GOLPH3L: variants seen among roughly 807,000 people sequenced by gnomAD.
GOLPH3L encodes Golgi phosphoprotein 3-like.
In GOLPH3L, 22 loss-of-function variants were observed where a neutral mutation model predicts 30.3. The observed-to-expected ratio is 0.73, with a 90% confidence interval of 0.52 to 1.04. The LOEUF (loss-of-function observed/expected upper bound fraction) is 1.04, where lower values mean the gene tolerates loss of function less well. Ranked by LOEUF, GOLPH3L falls within the 50% of genes least tolerant of loss-of-function variation. GOLPH3L has a pLI of 0.00. For synonymous variants in GOLPH3L, 120 were observed against 128.2 expected (o/e 0.94, Z 0.43); for missense variants, 303 against 345.8 (o/e 0.88, Z 0.98).
intron 2 of GOLPH3L, among the ~76,000 whole-genome samples, chr1:150,689,326 T>TAACTTAAGA (rs1651157309): frequency 6.6e-6 from 1 of 152,178 alleles, no homozygotes; most frequent in African/African-American, 2.4e-5. Context: ...CCCTTACAGG[T>TAACTTAAGA]AACTTAAGAA....
chr1:150,694,546 G>T, intron 2 of GOLPH3L, 110 bp downstream of exon 2: 1 of 658,220 alleles, frequency 1.5e-6, no homozygotes, highest in Non-Finnish European at 2.5e-6. Context: ...GATGGTTAGA[G>T]CACAATTCTA....
At chr1:150,664,005 ATTT>A (rs143298898) in intron 2 of GOLPH3L, among the ~76,000 whole-genome samples, 1 of 149,124 alleles carries the variant, frequency 6.7e-6, no homozygotes, top group Admixed American at 6.7e-5. Flanking sequence ...ATGATGTGCA[ATTT>A]TTTTTTTTGA....
At chr1:150,690,050 A>C (rs1009590246) in intron 2 of GOLPH3L, among the ~76,000 whole-genome samples, 2 of 152,024 alleles carry the variant, frequency 1.3e-5, no homozygotes, top group South Asian at 4.1e-4. Flanking sequence ...ACAGTGGCAC[A>C]AACACAGCTC....
At chr1:150,663,196 C>G (rs977973267) in intron 3 of GOLPH3L, among the ~76,000 whole-genome samples, 2 of 151,926 alleles carry the variant, frequency 1.3e-5, no homozygotes, top group Non-Finnish European at 2.9e-5. Flanking sequence ...CACAATGCCC[C>G]GCTAATTTTT....
At chr1:150,672,996 G>GT (rs959498653) in intron 2 of GOLPH3L, among the ~76,000 whole-genome samples, 44 of 148,120 alleles carry the variant, frequency 3.0e-4, no homozygotes, top group Admixed American at 4.1e-4. Flanking sequence ...CAGGGCTTCT[G>GT]TTTTTTTTTT....
intron 2 of GOLPH3L, 49 bp from the exon 3 acceptor site, chr1:150,663,812 G>C (rs778554085): frequency 6.4e-7 from 1 of 1,563,158 alleles, no homozygotes; most frequent in South Asian, 1.1e-5. Flanking sequence ...GAGGAATACT[G>C]ACTTCCAGCA....
chr1:150,669,973 A>AG (rs1434195864), intron 2 of GOLPH3L, among the ~76,000 whole-genome samples: 2 of 139,844 alleles, frequency 1.4e-5, no homozygotes, highest in Non-Finnish European at 1.6e-5. Context: ...AAAAAAAAAA[A>AG]CTGCAGGCCC....
chr1:150,663,152 A>G (rs587614424), intron 3 of GOLPH3L, among the ~76,000 whole-genome samples: 41 of 151,742 alleles, frequency 2.7e-4, no homozygotes, highest in African/African-American at 9.4e-4. Flanking sequence ...CTCCTGCTTC[A>G]GCCTCCCGAG....
chr1:150,685,999 C>A (rs892360156), intron 2 of GOLPH3L, among the ~76,000 whole-genome samples: 2 of 151,158 alleles, frequency 1.3e-5, no homozygotes, highest in Non-Finnish European at 3.0e-5. Context: ...CTCAGCCTCC[C>A]GAGTAGCTGA....
chr1:150,653,798 T>A (rs587748178), intron 4 of GOLPH3L, among the ~76,000 whole-genome samples: 1 of 150,530 alleles, frequency 6.6e-6, no homozygotes, highest in South Asian at 2.1e-4. Flanking sequence ...GTTTCACTCT[T>A]GTCACCCAGG....
At chr1:150,673,143 A>G (rs1650681778) in intron 2 of GOLPH3L, among the ~76,000 whole-genome samples, 1 of 152,190 alleles carries the variant, frequency 6.6e-6, no homozygotes, top group African/African-American at 2.4e-5. Context: ...CAGTAAAAAT[A>G]TCATTAGTTG....
chr1:150,686,161 C>T (rs1445674975), intron 2 of GOLPH3L, among the ~76,000 whole-genome samples: 1 of 152,080 alleles, frequency 6.6e-6, no homozygotes, highest in African/African-American at 2.4e-5. Flanking sequence ...GCGTGAGCTA[C>T]CGCACCCAGC....
At chr1:150,675,806 A>G (rs1650762547) in intron 2 of GOLPH3L, among the ~76,000 whole-genome samples, 2 of 141,920 alleles carry the variant, frequency 1.4e-5, no homozygotes, top group African/African-American at 5.1e-5. Flanking sequence ...AAAAAAAAAA[A>G]AGTATTGAGG....
chr1:150,652,298 T>C (rs1242374363), intron 4 of GOLPH3L, among the ~76,000 whole-genome samples: 3 of 141,952 alleles, frequency 2.1e-5, no homozygotes, highest in Admixed American at 7.8e-5. Context: ...GGAGAATCAC[T>C]TGAACCCAGG....
At position 150,661,803 on chromosome 1, in the gene GOLPH3L, A is replaced by C; in HGVS notation, c.430+11T>G. 1 of 1,113,590 alleles carries C rather than the reference A, an allele frequency of 9.0e-7. No individual in the cohort carries two copies. The highest frequency in any genetic ancestry group is 1.4e-6 in the Non-Finnish European group (1 of 723,126). 69.0% of individuals were successfully genotyped at this position (1,113,590 alleles called of 1,614,324 possible). A position where few individuals can be genotyped will look rare whatever the true frequency, so the allele number is the denominator to read the frequency against. Reference sequence around the variant, plus strand: ...AGTGTGAAATTCATATATTATTTTAAGTCATCTTACCAGTGAGTAGCTCTA... The same window carrying C: ...AGTGTGAAATTCATATATTATTTTACGTCATCTTACCAGTGAGTAGCTCTA... On this transcript the variant is annotated intron_variant, in intron 4 of 4. Transcript: ENST00000271732.
At chr1:150,680,107 G>C (rs1271364060) in intron 2 of GOLPH3L, among the ~76,000 whole-genome samples, 1 of 152,122 alleles carries the variant, frequency 6.6e-6, no homozygotes, top group Non-Finnish European at 1.5e-5. Context: ...GGACGCTTCT[G>C]CAACAGTTTA....
chr1:150,696,541 A>G (rs954814299), intron 1 of GOLPH3L, among the ~76,000 whole-genome samples: 2 of 152,196 alleles, frequency 1.3e-5, no homozygotes, highest in African/African-American at 4.8e-5. Flanking sequence ...CGATAAATTT[A>G]TATTGATTAA....
chr1:150,692,698 T>C (rs956375293), intron 2 of GOLPH3L, among the ~76,000 whole-genome samples: 1 of 152,230 alleles, frequency 6.6e-6, no homozygotes, highest in Non-Finnish European at 1.5e-5. Flanking sequence ...AGCCATCTGC[T>C]TATTTTGTAC....
chr1:150,657,897 G>T (rs1351901913), intron 4 of GOLPH3L, among the ~76,000 whole-genome samples: 2 of 152,192 alleles, frequency 1.3e-5, no homozygotes, highest in Non-Finnish European at 2.9e-5. Flanking sequence ...CTGCCTAAAG[G>T]CCAGATGTTA....
Sources: allele counts gnomAD v4.1 joint callset (sites outside exome capture counted in the v4.1 genomes callset), GRCh38; gene constraint gnomAD v4.1.1; transcripts MANE v1.5; gene names NCBI Gene and HGNC (gene_info 2026-07-23, HGNC 2026-07-21).